IGSF11: variants seen among roughly 807,000 people sequenced by gnomAD.
IGSF11 encodes CXADR like 1.
In IGSF11, 22 loss-of-function variants were observed where a neutral mutation model predicts 41.0. The ratio of observed to expected loss-of-function variants is 0.54; its 90% CI spans 0.38 to 0.77. IGSF11 has a LOEUF of 0.77. Among genes scored for constraint, IGSF11 ranks in the 30% least tolerant of loss-of-function variants. IGSF11 has a pLI of 0.00. For missense variants in IGSF11, 444 were observed against 530.8 expected (o/e 0.84, Z 1.61); for synonymous variants, 219 against 201.3 (o/e 1.09, Z -0.74).
At chr3:119,103,870 T>G (rs2573195) in intron 1 of IGSF11, among the ~76,000 whole-genome samples, 150,589 of 152,260 alleles carry the variant, frequency 0.99, 74,487 homozygotes, top group Middle Eastern at 1. Flanking sequence ...TTTGCTTGAG[T>G]TATACAGATG....
At chr3:118,940,841 C>G (rs1256631265) in intron 1 of IGSF11, among the ~76,000 whole-genome samples, 1 of 149,974 alleles carries the variant, frequency 6.7e-6, no homozygotes, top group South Asian at 2.1e-4. Context: ...GTTGTCAAAG[C>G]CATTCAGGGG....
chr3:118,914,415 G>A lies in IGSF11; in HGVS notation c.581-8697C>T, dbSNP rs551731482. On this transcript the variant is annotated intron_variant, in intron 4 of 6. Coordinates refer to ENST00000393775, the MANE Select transcript of IGSF11 (RefSeq NM_001015887.3). ...TGGGTGCGCGCACCGTGTGCGAGCC[G>A]AAGCAGGGCGAGGCATTGCCTCACC... Among the ~76,000 whole-genome samples, 468 of 151,582 alleles carry A rather than the reference G, an allele frequency of 3.1e-3. 10 individuals are homozygous for A. The highest frequency in any genetic ancestry group is 1.6e-3 in the East Asian group (8 of 5,106).
intron 1 of IGSF11, among the ~76,000 whole-genome samples, chr3:118,994,872 G>A (rs745359408): frequency 2.6e-5 from 4 of 152,166 alleles, no homozygotes; most frequent in Admixed American, 1.3e-4. Context: ...TACCTGAGCA[G>A]GGCTTTAAAG....
chr3:119,034,288 C>A (rs117145695), intron 1 of IGSF11, among the ~76,000 whole-genome samples: 1 of 152,168 alleles, frequency 6.6e-6, no homozygotes, highest in Admixed American at 6.5e-5. Flanking sequence ...GGCCTGGGAC[C>A]GGAGGTAGCC....
chr3:119,028,822 A>G (rs1940081961), intron 1 of IGSF11, among the ~76,000 whole-genome samples: 1 of 152,120 alleles, frequency 6.6e-6, no homozygotes, highest in Non-Finnish European at 1.5e-5. Flanking sequence ...TTTAACAAAA[A>G]TTTTATTTTT....
Position 119,059,043 on chromosome 3 carries a change from G to A in IGSF11, c.49+46101C>T, listed in dbSNP as rs1341049278. Among the ~76,000 whole-genome samples the A allele has an allele frequency of 3.3e-5, 5 of 151,816 alleles. No homozygotes were observed. The South Asian group carries it at 6.2e-4, about 19-fold the overall frequency. On this transcript the variant is annotated intron_variant, in intron 1 of 6. Transcript: ENST00000354673. Reference sequence around the variant, plus strand: ...AATGCTAGATGACGAGTTAGTGGGTGCAGCGCACCAACATGGCACATGTAT... The same window carrying A: ...AATGCTAGATGACGAGTTAGTGGGTACAGCGCACCAACATGGCACATGTAT...
chr3:119,054,119 G>A (rs979201055), intron 1 of IGSF11, among the ~76,000 whole-genome samples: 3 of 152,148 alleles, frequency 2.0e-5, no homozygotes, highest in Non-Finnish European at 4.4e-5. Context: ...TAGAGTTCAT[G>A]ACCAAGAACC....
chr3:118,996,218 TAGTGTTAGC>T (rs1204005858), intron 1 of IGSF11, among the ~76,000 whole-genome samples: 2 of 152,246 alleles, frequency 1.3e-5, no homozygotes, highest in South Asian at 2.1e-4. Context: ...TCAAACCTGT[TAGTGTTAGC>T]AGTGTTAGCA....
At chr3:119,068,456 TCTGA>T (rs1942299101) in intron 1 of IGSF11, among the ~76,000 whole-genome samples, 1 of 152,236 alleles carries the variant, frequency 6.6e-6, no homozygotes, top group South Asian at 2.1e-4. Flanking sequence ...TTCTTTCTTA[TCTGA>T]CTAATAAATT....
intron 1 of IGSF11, among the ~76,000 whole-genome samples, chr3:118,985,671 T>G (rs1935182131): frequency 6.6e-6 from 1 of 152,196 alleles, no homozygotes; most frequent in African/African-American, 2.4e-5. Flanking sequence ...TTGACACTTT[T>G]TCATCCTTTA....
At chr3:119,001,726 G>T (rs2107672311) in intron 1 of IGSF11, among the ~76,000 whole-genome samples, 1 of 149,346 alleles carries the variant, frequency 6.7e-6, no homozygotes, top group Admixed American at 6.7e-5. Flanking sequence ...GCAGTGTTTG[G>T]TTTTTTGTTC....
chr3:119,075,877 C>A (rs2076486197), intron 1 of IGSF11, among the ~76,000 whole-genome samples: 1 of 152,266 alleles, frequency 6.6e-6, no homozygotes, highest in South Asian at 2.1e-4. Flanking sequence ...ATCAAGCTAC[C>A]AATGACTTTC....
intron 1 of IGSF11, among the ~76,000 whole-genome samples, chr3:119,133,310 T>C (rs1030767222): frequency 2.6e-5 from 4 of 151,976 alleles, no homozygotes; most frequent in Non-Finnish European, 5.9e-5. Flanking sequence ...ACAAAATTGA[T>C]AGAACGCTAG....
chr3:119,055,760 G>T (rs1198114494), intron 1 of IGSF11, among the ~76,000 whole-genome samples: 7 of 152,032 alleles, frequency 4.6e-5, no homozygotes, highest in African/African-American at 7.2e-5. Context: ...ACAGAAATTA[G>T]AACAAACTGT....
chr3:119,110,771 T>C (rs1017973122), intron 1 of IGSF11, among the ~76,000 whole-genome samples: 3 of 152,014 alleles, frequency 2.0e-5, no homozygotes, highest in African/African-American at 7.3e-5. Flanking sequence ...CAGGAGCTCT[T>C]TTAGGGCAGG....
intron 1 of IGSF11, among the ~76,000 whole-genome samples, chr3:119,045,115 G>A (rs949990336): frequency 6.6e-6 from 1 of 152,180 alleles, no homozygotes; most frequent in African/African-American, 2.4e-5. Context: ...ATGGCAGAAC[G>A]GATAAAATCC....
At position 118,954,817 on chromosome 3, in the gene IGSF11, G is replaced by A. The variant is rs1408118589; in HGVS notation, c.53-24542C>T. ...TAGACCACAGAATGAATAAATGTGG[G>A]TAAATGCTATCAAATGGTGAAATCA... On this transcript the variant is annotated intron_variant, in intron 1 of 6. Coordinates refer to ENST00000393775, the MANE Select transcript of IGSF11 (RefSeq NM_001015887.3). Among the ~76,000 whole-genome samples, 2 of 151,820 alleles carry A rather than the reference G, an allele frequency of 1.3e-5. 1 individual carries two copies.
At chr3:119,087,872 C>A (rs2076702174) in intron 1 of IGSF11, among the ~76,000 whole-genome samples, 1 of 151,940 alleles carries the variant, frequency 6.6e-6, no homozygotes, top group African/African-American at 2.4e-5. Context: ...TGACAAGATG[C>A]CTTAACTATG....
intron 1 of IGSF11, among the ~76,000 whole-genome samples, chr3:119,138,687 GA>G (rs948952448): frequency 6.1e-4 from 92 of 150,318 alleles, no homozygotes; most frequent in African/African-American, 2.0e-3. Context: ...TCTGTCTCAA[GA>G]AAAAAAAATG....
Sources: allele counts gnomAD v4.1 joint callset (sites outside exome capture counted in the v4.1 genomes callset), GRCh38; gene constraint gnomAD v4.1.1; transcripts MANE v1.5; gene names NCBI Gene and HGNC (gene_info 2026-07-23, HGNC 2026-07-21).